PRKCZ: variants seen among roughly 807,000 people sequenced by gnomAD.
PRKCZ encodes the protein protein kinase C zeta.
In PRKCZ, 33 loss-of-function variants were observed where a neutral mutation model predicts 79.5. The observed-to-expected ratio is 0.41, with a 90% CI of 0.31 to 0.55. The LOEUF is 0.55. Ranked by LOEUF, PRKCZ falls within the 20% of genes least tolerant of loss-of-function variation. The pLI, the probability that PRKCZ is intolerant of heterozygous loss-of-function variation, is 0.19. For missense variants in PRKCZ, 578 were observed against 813.5 expected, an observed-to-expected ratio of 0.71 and a Z score of 3.52; for synonymous variants, 342 against 320.9, an observed-to-expected ratio of 1.07 and a Z score of -0.70.
In PRKCZ at chr1:2,117,367, GTT is replaced by G. The variant is rs56248139; in HGVS notation, c.335-17883_335-17882del. Among the ~76,000 whole-genome samples, 482 of 147,438 alleles carry G rather than the reference GTT, an allele frequency of 3.3e-3. 4 individuals carry two copies. The highest frequency in any genetic ancestry group is 6.8e-3 in the African/African-American group (275 of 40,194). On this transcript the variant is annotated intron_variant, in intron 4 of 17. Coordinates refer to ENST00000378567, the MANE Select transcript of PRKCZ (RefSeq NM_002744.6). ...TGTTTTAAGCCGTATTACTTTTACA[GTT>G]TTTTTTTTTTTATCTTTTTGTTTAT...
rs972952239 is a variant in PRKCZ at position 2,161,398 on chromosome 1, G to A, written c.974+5306G>A. Among the ~76,000 whole-genome samples the A allele has an allele frequency of 8.3e-4, 127 of 152,330 alleles. 1 individual carries two copies. The highest frequency in any genetic ancestry group is 2.4e-4 in the Non-Finnish European group (16 of 68,028). Reference sequence around the variant, plus strand: ...CTTGGTTTGCCTTTTGCATTGCGAGGGCGTCCTGCACTCTTCGGGAACACT... The same window carrying A: ...CTTGGTTTGCCTTTTGCATTGCGAGAGCGTCCTGCACTCTTCGGGAACACT... On this transcript the variant is annotated intron_variant, in intron 10 of 17. Coordinates refer to ENST00000378567, the MANE Select transcript of PRKCZ (RefSeq NM_002744.6).
chr1:2,118,752 T>TGTGTGTGTGA (rs752943914), intron 4 of PRKCZ, among the ~76,000 whole-genome samples: 3 of 142,350 alleles, frequency 2.1e-5, no homozygotes, highest in Non-Finnish European at 4.5e-5. Flanking sequence ...TGTGTGTGTG[T>TGTGTGTGTGA]GTGAGATGAG....
intron 4 of PRKCZ, chr1:2,074,219 G>A (rs1302409948): frequency 6.5e-7 from 1 of 1,550,370 alleles, no homozygotes; most frequent in African/African-American, 1.4e-5. Context: ...GCTGTGGAGG[G>A]ACCTTCTGAG....
At chr1:2,160,238 C>CGCGTGTGTGTGTGTGTGT (rs71578361) in intron 10 of PRKCZ, among the ~76,000 whole-genome samples, 6 of 146,468 alleles carry the variant, frequency 4.1e-5, no homozygotes, top group Admixed American at 1.4e-4. Context: ...CAGCAGTGTG[C>CGCGTGTGTGTGTGTGTGT]GTGTGTGTGT....
rs1183592002 is a variant in PRKCZ, at chr1:2,178,831, G to T, written c.1575+3518G>T. Among the ~76,000 whole-genome samples the T allele has an allele frequency of 6.6e-6, 1 of 152,206 alleles. No homozygotes were observed. Among genetic ancestry groups the T allele is most frequent in the Non-Finnish European group, 1.5e-5 (1 of 68,028 alleles). ...CAGGGTCTCTTTCACGGACTGCGGG[G>T]AAGGCAGTGGGAGCAGCAGGAATGG... is the stretch of plus-strand genomic sequence containing the variant. On this transcript the variant is annotated intron_variant, in intron 16 of 17. Coordinates refer to ENST00000378567, the MANE Select transcript of PRKCZ (RefSeq NM_002744.6). The surrounding 1 kb of genome is among the most constrained non-coding windows in gnomAD (Gnocchi z 4.3).
intron 5 of PRKCZ, among the ~76,000 whole-genome samples, chr1:2,139,025 A>ATT (rs1676790965): frequency 6.6e-6 from 1 of 152,174 alleles, no homozygotes; most frequent in Non-Finnish European, 1.5e-5. Context: ...GAATTTTCAG[A>ATT]TTTTTTCAGT....
intron 4 of PRKCZ, among the ~76,000 whole-genome samples, chr1:2,093,701 C>T (rs1233282692): frequency 6.6e-6 from 1 of 152,130 alleles, no homozygotes; most frequent in Admixed American, 6.5e-5. Flanking sequence ...TGCCCCCAAA[C>T]GTGGTGGGCT....
intron 4 of PRKCZ, among the ~76,000 whole-genome samples, chr1:2,122,617 A>G (rs1241289668): frequency 1.4e-3 from 6 of 4,208 alleles, no homozygotes; most frequent in South Asian, 0.015. Context: ...GGTTAGGGTC[A>G]CGGTGGTGGT....
At chr1:2,130,140 A>G (rs1211435999) in intron 4 of PRKCZ, among the ~76,000 whole-genome samples, 1 of 152,174 alleles carries the variant, frequency 6.6e-6, no homozygotes, top group African/African-American at 2.4e-5. Context: ...TCCTGGGCTC[A>G]AGTGATCCAC....
chr1:2,130,480 C>G (rs1016481626), intron 4 of PRKCZ, among the ~76,000 whole-genome samples: 5 of 152,156 alleles, frequency 3.3e-5, no homozygotes, highest in Non-Finnish European at 7.3e-5. Context: ...ACTCCCACCT[C>G]GGAGACCCTG....
intron 9 of PRKCZ, among the ~76,000 whole-genome samples, chr1:2,153,257 G>A (rs1420306373): frequency 6.6e-6 from 1 of 152,234 alleles, no homozygotes; most frequent in Admixed American, 6.5e-5. Context: ...TGGTATTTTT[G>A]GTCTTTTGCT....
chr1:2,162,800 G>A lies in PRKCZ; in HGVS notation c.974+6708G>A, dbSNP rs548220185. Among the ~76,000 whole-genome samples the A allele has an allele frequency of 4.6e-5, 7 of 152,266 alleles. No homozygotes were observed. In the South Asian group the frequency reaches 6.2e-4, roughly 14 times the overall value. On this transcript the variant is annotated intron_variant, in intron 10 of 17. Transcript: ENST00000378567. The stretch of plus-strand genomic sequence containing the variant: ...GTTTCATCTCGTTTCTGTTATAAAC[G>A]AGGTATTTTTTCTTCTCTCAGAGCA...
intron 4 of PRKCZ, among the ~76,000 whole-genome samples, chr1:2,078,425 C>A (rs182334937): frequency 5.4e-4 from 82 of 152,310 alleles, no homozygotes; most frequent in Non-Finnish European, 9.7e-4. Context: ...TCTTGTGTGA[C>A]CGAGAAGTCA....
intron 4 of PRKCZ, among the ~76,000 whole-genome samples, chr1:2,096,774 C>T (rs1376482949): frequency 3.3e-5 from 5 of 152,128 alleles, no homozygotes; most frequent in Admixed American, 1.3e-4. Flanking sequence ...TTCCTCTAGC[C>T]GAGGTCAGGG....
chr1:2,070,634 G>A (rs1035966870), intron 4 of PRKCZ, among the ~76,000 whole-genome samples: 5 of 152,196 alleles, frequency 3.3e-5, no homozygotes, highest in South Asian at 2.1e-4. Context: ...CTCCCGGGCC[G>A]GTGGTCCTGG....
chr1:2,058,025 G>A (rs1240679159), intron 3 of PRKCZ, among the ~76,000 whole-genome samples: 1 of 152,066 alleles, frequency 6.6e-6, no homozygotes, highest in African/African-American at 2.4e-5. Flanking sequence ...GTGTCATCAC[G>A]CCTGGCTAAT....
intron 16 of PRKCZ, among the ~76,000 whole-genome samples, chr1:2,183,221 T>C (rs762990395): frequency 3.2e-4 from 47 of 146,732 alleles, no homozygotes; most frequent in Non-Finnish European, 6.5e-4. Context: ...ACAGAGCGAG[T>C]CTCAAAACAA....
At position 2,160,845 on chromosome 1, in the gene PRKCZ, G is replaced by A. The variant is rs1338016645; in HGVS notation, c.974+4753G>A. ...GGGTGCTGTGGCCTGGGATGGAGAC[G>A]CCCCGCCCCGCCGGGGGTGATTGTG... On this transcript the variant is annotated intron_variant, in intron 10 of 17. Coordinates refer to ENST00000378567, the MANE Select transcript of PRKCZ (RefSeq NM_002744.6). Among the ~76,000 whole-genome samples, 5 of 152,104 alleles carry A rather than the reference G, an allele frequency of 3.3e-5. No individual in the cohort carries two copies. In the East Asian group the frequency reaches 5.8e-4, roughly 18 times the overall value.
chr1:2,109,242 A>G (rs1385900004), intron 4 of PRKCZ, among the ~76,000 whole-genome samples: 3 of 152,080 alleles, frequency 2.0e-5, no homozygotes. Flanking sequence ...GATGCTTGGC[A>G]TTGGAGGTTT....
Sources: gnomAD v4.1 joint callset for allele counts (sites outside exome capture counted in the v4.1 genomes callset) on GRCh38, gnomAD v4.1.1 for gene constraint, Gnocchi (gnomAD v3.1) non-coding constraint, MANE v1.5 for transcripts, NCBI Gene and HGNC (gene_info 2026-07-23, HGNC 2026-07-21) for gene names.